Variants in VEZT observed in about 807,000 individuals in gnomAD.
The protein encoded by VEZT is vezatin.
Under a neutral mutation model 79.9 loss-of-function variants are expected in VEZT, and 39 were observed. The observed-to-expected ratio is 0.49, with a 90% CI of 0.38 to 0.64. The LOEUF is 0.64. Ranked by LOEUF, VEZT falls within the 30% of genes least tolerant of loss-of-function variation. The probability of loss-of-function intolerance (pLI) is 0.00; values close to 1 mark genes in which losing one functional copy is unlikely to be tolerated. For synonymous variants in VEZT, 325 were observed against 327.6 expected, an observed-to-expected ratio of 0.99 and a Z score of 0.09; for missense variants, 837 against 893.1, an observed-to-expected ratio of 0.94 and a Z score of 0.80.
At chr12:95,275,465 T>G (rs948267889) in intron 7 of VEZT, among the ~76,000 whole-genome samples, 2 of 151,886 alleles carry the variant, frequency 1.3e-5, no homozygotes, top group African/African-American at 4.8e-5. Flanking sequence ...CTGGGTGCAG[T>G]GTCACATGCC....
chr12:95,244,669 C>T (rs1411632673), intron 1 of VEZT, among the ~76,000 whole-genome samples: 1 of 151,266 alleles, frequency 6.6e-6, no homozygotes, highest in Non-Finnish European at 1.5e-5. Flanking sequence ...TTCACTGTAA[C>T]CTCTGCCTCC....
chr12:95,295,164 G>A (rs866707690), intron 10 of VEZT, among the ~76,000 whole-genome samples: 4 of 151,964 alleles, frequency 2.6e-5, no homozygotes, highest in African/African-American at 9.7e-5. Flanking sequence ...CAAAGTGCTT[G>A]GTTCTTTTTT....
At chr12:95,289,784 GAAATCATTTCAA>G (rs1182139737) in intron 9 of VEZT, among the ~76,000 whole-genome samples, 1 of 152,044 alleles carries the variant, frequency 6.6e-6, no homozygotes, top group East Asian at 1.9e-4. Context: ...GTCTTATTTT[GAAATCATTTCAA>G]ACTTACAGAA....
intron 11 of VEZT, among the ~76,000 whole-genome samples, chr12:95,298,254 T>C (rs1329212542): frequency 1.3e-5 from 2 of 152,142 alleles, no homozygotes; most frequent in Non-Finnish European, 2.9e-5. Context: ...GCTCCAGCTC[T>C]GCCGCCTCTC....
intron 10 of VEZT, among the ~76,000 whole-genome samples, chr12:95,295,487 C>G (rs1425315573): frequency 6.6e-6 from 1 of 152,224 alleles, no homozygotes; most frequent in East Asian, 1.9e-4. Flanking sequence ...TCTCAGACTT[C>G]TAAGTCCGAT....
intron 7 of VEZT, among the ~76,000 whole-genome samples, chr12:95,278,316 T>C (rs888595725): frequency 1.3e-5 from 2 of 152,232 alleles, no homozygotes; most frequent in African/African-American, 4.8e-5. Context: ...TTCCTTTTGC[T>C]CACTCACAGT....
At position 95,266,617 on chromosome 12, in the gene VEZT, C is replaced by G; in HGVS notation, c.695C>G (p.Ser232Cys). ...LRLIQETEVISRGFTLVSAAC... is the reference protein window; with the variant it reads ...LRLIQETEVICRGFTLVSAAC... ...CTCATTCAAGAAACCGAAGTGATTT[C>G]CAGAGGATTTACACTGTGAGTTCAT... The change falls in exon 5 of 12, where the codon TCC becomes TGC. Residue 232 changes from serine (S) to cysteine (C), a missense_variant. Ser to Cys is a moderately radical substitution (Grantham distance 112). Coordinates refer to ENST00000436874, the MANE Select transcript of VEZT (RefSeq NM_017599.4). 2 of 1,610,304 alleles carry G rather than the reference C, an allele frequency of 1.2e-6. No individual in the cohort carries two copies. Among genetic ancestry groups the G allele is most frequent in the South Asian group, 1.1e-5 (1 of 90,836 alleles).
At chr12:95,234,292 T>C (rs2059688075) in intron 1 of VEZT, among the ~76,000 whole-genome samples, 1 of 150,860 alleles carries the variant, frequency 6.6e-6, no homozygotes, top group Non-Finnish European at 1.5e-5. Flanking sequence ...ATCTTTTTTT[T>C]TTTTTTTTTT....
intron 2 of VEZT, 25 bp from the exon 3 acceptor site, chr12:95,257,125 A>G (rs767237183): frequency 1.6e-5 from 26 of 1,578,946 alleles, no homozygotes; most frequent in Non-Finnish European, 2.2e-5. Flanking sequence ...TAATAATCCT[A>G]TACAATGTCA....
chr12:95,288,418 T>C (rs2139551518), intron 9 of VEZT, among the ~76,000 whole-genome samples: 1 of 152,338 alleles, frequency 6.6e-6, no homozygotes, highest in South Asian at 2.1e-4. Flanking sequence ...TGCTTTTATG[T>C]GACTCCGATT....
chr12:95,231,956 T>C (rs1385897676), intron 1 of VEZT, among the ~76,000 whole-genome samples: 1 of 152,212 alleles, frequency 6.6e-6, no homozygotes, highest in African/African-American at 2.4e-5. Flanking sequence ...TCATTAAAAA[T>C]TGAGAAAAAT....
At chr12:95,245,590 A>G (rs2061612108) in intron 1 of VEZT, 1 of 456,570 alleles carries the variant, frequency 2.2e-6, no homozygotes, top group African/African-American at 2.0e-5. Context: ...TAATTCTGCC[A>G]TCTTTGGCCC....
chr12:95,300,337 T>C lies in VEZT; in HGVS notation c.2004T>C (p.Ser668=), dbSNP rs766091836. ...GGACTGAGTATTTATGTGAAAACTC[T>C]CTAGAAGGTAAAAATAAAGATAATT... ...ISRTEYLCEN[S]LEGKNKDNSS... Residue 668 remains serine, a synonymous_variant, in exon 12 of 12, where the codon TCT becomes TCC. Coordinates refer to ENST00000436874, the MANE Select transcript of VEZT (RefSeq NM_017599.4). 2.5e-6 allele frequency: 4 copies of C among 1,611,698 alleles called. No individual in the cohort carries two copies. The African/African-American group carries it at 4.0e-5, about 16-fold the overall frequency.
intron 1 of VEZT, among the ~76,000 whole-genome samples, chr12:95,241,486 G>T (rs2061010607): frequency 6.6e-6 from 1 of 151,978 alleles, no homozygotes; most frequent in Non-Finnish European, 1.5e-5. Context: ...TTTATTTTTA[G>T]TAGAGACAAG....
At chr12:95,234,036 C>T (rs143608512) in intron 1 of VEZT, among the ~76,000 whole-genome samples, 23 of 152,212 alleles carry the variant, frequency 1.5e-4, no homozygotes, top group Middle Eastern at 3.4e-3. Flanking sequence ...ACTGAGTATT[C>T]TCAGACTTCT....
At chr12:95,292,483 T>G (rs1351852861) in intron 9 of VEZT, among the ~76,000 whole-genome samples, 1 of 152,190 alleles carries the variant, frequency 6.6e-6, no homozygotes, top group Non-Finnish European at 1.5e-5. Flanking sequence ...GCACTTTTCA[T>G]GTATTCTTTT....
At chr12:95,287,640 T>C in intron 8 of VEZT, 24 bp from the exon 9 acceptor site, 3 of 1,474,656 alleles carry the variant, frequency 2.0e-6, no homozygotes, top group Non-Finnish European at 2.7e-6. Context: ...TAGAAATCTG[T>C]TTCTGTTTTT....
chr12:95,282,527 C>A lies in VEZT; in HGVS notation c.1211C>A (p.Thr404Asn). 7 of 1,614,020 alleles carry A rather than the reference C, an allele frequency of 4.3e-6. No individual in the cohort carries two copies. The highest frequency in any genetic ancestry group is 5.9e-6 in the Non-Finnish European group (7 of 1,179,892). The change falls in exon 8 of 12, where the codon ACT becomes AAT. Residue 404 changes from threonine (T) to asparagine (N), a missense_variant. Transcript: ENST00000436874. ...RSYEFYRYFE[T>N]QHQSVPQCLS... Reference sequence around the variant, plus strand: ...TATGAGTTCTATCGGTACTTTGAAACTCAGCACCAGTCAGTACCGCAGTGT... The same window carrying A: ...TATGAGTTCTATCGGTACTTTGAAAATCAGCACCAGTCAGTACCGCAGTGT...
chr12:95,236,269 G>T (rs538471658), intron 1 of VEZT, among the ~76,000 whole-genome samples: 1 of 152,274 alleles, frequency 6.6e-6, no homozygotes, highest in South Asian at 2.1e-4. Context: ...CAAAAAATAC[G>T]AAAACCAGTC....
Sources: allele counts gnomAD v4.1 joint callset (sites outside exome capture counted in the v4.1 genomes callset), GRCh38; gene constraint gnomAD v4.1.1; transcripts MANE v1.5; gene names NCBI Gene and HGNC (gene_info 2026-07-23, HGNC 2026-07-21).